The following POLA1 variants were observed in gnomAD, a reference collection of about 807,000 sequenced individuals.
POLA1 encodes the protein DNA polymerase alpha catalytic subunit.
Under a neutral mutation model 124.0 loss-of-function variants are expected in POLA1, and 15 were observed. The observed-to-expected ratio is 0.12, with a 90% CI of 0.08 to 0.19. POLA1 has a LOEUF of 0.19. POLA1 is among the 10% of genes least tolerant of loss of function. The probability of loss-of-function intolerance (pLI) is 1.00; values close to 1 mark genes in which losing one functional copy is unlikely to be tolerated. For missense variants in POLA1, 886 were observed against 1,103.4 expected, an observed-to-expected ratio of 0.80 and a Z score of 2.79; for synonymous variants, 408 against 389.4, an observed-to-expected ratio of 1.05 and a Z score of -0.56.
At chrX:24,704,722 A>G (rs1040965680) in intron 4 of POLA1, among the ~76,000 whole-genome samples, 6 of 111,921 alleles carry the variant, frequency 5.4e-5, no homozygotes, top group Admixed American at 9.5e-5. Context: ...ACTTATTTTG[A>G]AGTTTTCAAT....
chrX:24,873,200 T>C (rs1947753014), intron 34 of POLA1, among the ~76,000 whole-genome samples: 1 of 111,903 alleles, frequency 8.9e-6, no homozygotes, highest in African/African-American at 3.2e-5. Flanking sequence ...TTTGGAAGAC[T>C]TTTAGGTAAT....
At chrX:24,866,234 C>G (rs948451081) in intron 34 of POLA1, among the ~76,000 whole-genome samples, 8 of 111,977 alleles carry the variant, frequency 7.1e-5, no homozygotes, top group African/African-American at 2.6e-4. Context: ...TGTGTTTCAG[C>G]ATAGATTATC....
At chrX:24,912,519 AAC>A (rs951669572) in intron 35 of POLA1, among the ~76,000 whole-genome samples, 1 of 112,056 alleles carries the variant, frequency 8.9e-6, no homozygotes, top group Non-Finnish European at 1.9e-5. Context: ...TCAACAGTAA[AAC>A]AAGCAATCCA....
chrX:24,765,120 C>G (rs892371362), intron 26 of POLA1, among the ~76,000 whole-genome samples: 2 of 110,206 alleles, frequency 1.8e-5, no homozygotes, highest in Admixed American at 9.7e-5. Context: ...CATGGGCTAC[C>G]CTGTTCTTTC....
chrX:24,985,840 C>T (rs1304375868), intron 36 of POLA1, among the ~76,000 whole-genome samples: 8 of 111,993 alleles, frequency 7.1e-5, no homozygotes, highest in Admixed American at 4.7e-4. Context: ...ACTTTGGCCA[C>T]CCACTGTCAC....
At position 24,996,064 on chromosome X, in the gene POLA1, C is replaced by G; in HGVS notation, c.*114C>G. ...ATCTGTTTCTCCCTTGGGACTGTGT[C>G]TCATGTTTGTGTGAATGTAGACCAG... is the stretch of plus-strand genomic sequence containing the variant. On this transcript the variant is annotated 3_prime_UTR_variant, in exon 37 of 37. Transcript: ENST00000379068. 1 of 660,192 alleles carries G rather than the reference C, an allele frequency of 1.5e-6. No individual in the cohort carries two copies. Among genetic ancestry groups the G allele is most frequent in the South Asian group, 3.2e-5 (1 of 31,162 alleles). The allele number at this position is 660,192 out of a possible 1,213,427, so 54.4% of individuals were successfully genotyped here. A position where few individuals can be genotyped will look rare whatever the true frequency, so the allele number is the denominator to read the frequency against.
intron 26 of POLA1, among the ~76,000 whole-genome samples, chrX:24,772,567 A>C (rs986500901): frequency 9.2e-6 from 1 of 108,937 alleles, no homozygotes; most frequent in Non-Finnish European, 1.9e-5. Flanking sequence ...GAGAGGCCCC[A>C]GTGTGTGTTG....
chrX:24,713,350 C>T (rs765648268), intron 4 of POLA1, among the ~76,000 whole-genome samples: 13 of 111,421 alleles, frequency 1.2e-4, no homozygotes, highest in Admixed American at 1.9e-4. Context: ...GTAAAATTGA[C>T]GGTATTAGAA....
intron 36 of POLA1, among the ~76,000 whole-genome samples, chrX:24,985,235 A>G (rs1359277859): frequency 4.4e-5 from 5 of 112,437 alleles, no homozygotes; most frequent in African/African-American, 1.6e-4. Context: ...AGCTTTGAGG[A>G]CCAGTCTCCT....
chrX:24,832,764 GAATAA>G (rs1459702502), intron 32 of POLA1, among the ~76,000 whole-genome samples: 2 of 111,733 alleles, frequency 1.8e-5, no homozygotes, highest in African/African-American at 6.5e-5. Flanking sequence ...ATATGTGTAT[GAATAA>G]AATAGAAAAG....
intron 35 of POLA1, among the ~76,000 whole-genome samples, chrX:24,923,333 TGAA>T (rs1303872363): frequency 8.9e-6 from 1 of 111,751 alleles, no homozygotes; most frequent in African/African-American, 3.3e-5. Context: ...TTGTTTAAAA[TGAA>T]GATAATAATT....
chrX:24,995,892 G>A lies in POLA1; in HGVS notation c.4349G>A (p.Ser1450Asn), dbSNP rs1220049286. ...ACAGCAGAGCAATTCTTGTCCCGAA[G>A]TGGCTACTCCGAAGTGAATCTGAGC... ...KNTAEQFLSR[S>N]GYSEVNLSKL... The change falls in exon 37 of 37, where the codon AGT (serine) becomes AAT (asparagine). Residue 1450 changes from serine (S) to asparagine (N), a missense_variant. Ser to Asn is a conservative substitution (Grantham distance 46). Around this residue, in one of 7 missense-constraint regions of POLA1, gnomAD observed 313 missense variants for 359.7 expected, o/e 0.87. Coordinates refer to ENST00000379068, the MANE Select transcript of POLA1 (RefSeq NM_001330360.2). 3.3e-6 allele frequency: 4 copies of A among 1,208,360 alleles called. No individual in the cohort carries two copies. The highest frequency in any genetic ancestry group is 4.5e-6 in the Non-Finnish European group (4 of 894,011).
In POLA1 at chrX:24,947,246, CTTTTTTTTTTTTTTTTTTTTTTTT is replaced by C. The variant is rs764618354; in HGVS notation, c.4261+16713_4261+16736del. ...CAGCTGGTTGTTTTCCCTGCAGATT[CTTTTTTTTTTTTTTTTTTTTTTTT>C]TTTTTTTTTTTTTTTGAGACAGAGT... On this transcript the variant is annotated intron_variant, in intron 36 of 36. Coordinates refer to ENST00000379068, the MANE Select transcript of POLA1 (RefSeq NM_001330360.2). Among the ~76,000 whole-genome samples, 48 of 21,620 alleles carry C rather than the reference CTTTTTTTTTTTTTTTTTTTTTTTT, an allele frequency of 2.2e-3. No homozygotes were observed. In the East Asian group the frequency reaches 0.081, roughly 36 times the overall value. The allele number at this position is 21,620 out of a possible 115,157, so 18.8% of individuals were successfully genotyped here.
At chrX:24,767,307 G>A (rs1932927985) in intron 26 of POLA1, among the ~76,000 whole-genome samples, 1 of 111,661 alleles carries the variant, frequency 9.0e-6, no homozygotes, top group Non-Finnish European at 1.9e-5. Context: ...TCATTTTGGA[G>A]TATACTGTTT....
At chrX:24,888,905 T>C (rs1003027413) in intron 35 of POLA1, among the ~76,000 whole-genome samples, 6 of 107,876 alleles carry the variant, frequency 5.6e-5, no homozygotes, top group Non-Finnish European at 1.2e-4. Flanking sequence ...AGTCTAGCTC[T>C]GTCGCCCAGG....
rs748506193 is a variant in POLA1, at chrX:24,704,443, A to G, written c.320A>G (p.Asp107Gly). 1 of 1,198,861 alleles carries G rather than the reference A, an allele frequency of 8.3e-7. No homozygotes were observed. The highest frequency in any genetic ancestry group is 3.0e-5 in the East Asian group (1 of 33,822). Residue 107 changes from aspartate to glycine, a missense_variant, in exon 4 of 37, where the codon GAT (aspartate) becomes GGT (glycine). Physicochemically the swap from Asp to Gly is moderately conservative, Grantham distance 94. This residue lies in a region of POLA1 where 337 missense variants were observed against 402.8 expected (regional missense o/e 0.84). Transcript: ENST00000379068. ...GREIFDDDLEDDALDADEKGK... is the reference protein window; with the variant it reads ...GREIFDDDLEGDALDADEKGK... ...GAGATTTTTGATGATGACCTTGAAG[A>G]TGATGCCCTTGATGCTGATGAGAAA...
chrX:24,781,995 C>G (rs2045274592), intron 26 of POLA1, among the ~76,000 whole-genome samples: 1 of 111,654 alleles, frequency 9.0e-6, no homozygotes, highest in South Asian at 3.8e-4. Context: ...GAGCCATGCA[C>G]TGTTCTAGGC....
intron 17 of POLA1, 40 bp downstream of exon 17, chrX:24,733,856 C>T (rs758588922): frequency 2.3e-5 from 18 of 770,084 alleles, no homozygotes; most frequent in Non-Finnish European, 3.2e-5. Flanking sequence ...TTGTTTGGAG[C>T]GAGAAAGAAA....
intron 15 of POLA1, 33 bp downstream of exon 15, chrX:24,727,969 C>T (rs776079388): frequency 8.9e-7 from 1 of 1,128,586 alleles, no homozygotes; most frequent in East Asian, 3.0e-5. Flanking sequence ...TGTACCCATG[C>T]CTTAGATGTG....
Sources: allele counts gnomAD v4.1 joint callset (sites outside exome capture counted in the v4.1 genomes callset), GRCh38; gene constraint gnomAD v4.1.1; regional missense constraint gnomAD v4.1.1; transcripts MANE v1.5; gene names NCBI Gene and HGNC (gene_info 2026-07-23, HGNC 2026-07-21).